XKR4: variants seen among roughly 807,000 people sequenced by gnomAD.
XKR4 encodes XK-related protein 4.
XKR4 carries 12 observed loss-of-function variants against 53.9 expected under a neutral mutation model. That is an observed-to-expected ratio of 0.22 (90% confidence interval 0.14 to 0.36). The LOEUF (loss-of-function observed/expected upper bound fraction) is 0.36. XKR4 is among the 10% of genes least tolerant of loss of function. The pLI is 1.00. For missense variants in XKR4, 799 were observed against 859.5 expected (o/e 0.93, Z 0.88); for synonymous variants, 354 against 362.4 (o/e 0.98, Z 0.26).
chr8:55,275,737 G>C lies in XKR4; in HGVS notation c.807-81941G>C, dbSNP rs914838631. 3.9e-5 allele frequency among the ~76,000 whole-genome samples: 6 copies of C among 152,068 alleles called. 1 individual carries two copies. The highest frequency in any genetic ancestry group is 3.9e-4 in the Admixed American group (6 of 15,266). On this transcript the variant is annotated intron_variant, in intron 1 of 2. Transcript: ENST00000327381. ...TCAGCCAAGAAAAAATTTCCAAAGG[G>C]TCCACTGGTTTATAAAGTTCTTACC...
At chr8:55,272,954 A>T (rs937814616) in intron 1 of XKR4, 48 of 446,154 alleles carry the variant, frequency 1.1e-4, no homozygotes, top group Non-Finnish European at 1.8e-4. Context: ...CACTGCCTAC[A>T]TTGGAACAAT....
rs113815877 is a variant in XKR4 at position 55,157,895 on chromosome 8, A to G, written c.806+54601A>G. On this transcript the variant is annotated intron_variant, in intron 1 of 2. Transcript: ENST00000327381. ...GGCTGTGTAGTATTCCATGGTGTCTATGTACATTTTCTTTATCCAATCCAC... is the reference window on the plus strand; with the variant it reads ...GGCTGTGTAGTATTCCATGGTGTCTGTGTACATTTTCTTTATCCAATCCAC... Among the ~76,000 whole-genome samples, 755 of 152,260 alleles carry G rather than the reference A, an allele frequency of 5.0e-3. 2 individuals are homozygous for G. Among genetic ancestry groups the G allele is most frequent in the African/African-American group, 0.017 (689 of 41,554 alleles).
At chr8:55,251,301 A>G (rs1585967526) in intron 1 of XKR4, among the ~76,000 whole-genome samples, 1 of 152,368 alleles carries the variant, frequency 6.6e-6, no homozygotes, top group East Asian at 1.9e-4. Context: ...GTCATCCAGA[A>G]CTATGAAAAT....
intron 2 of XKR4, among the ~76,000 whole-genome samples, chr8:55,516,080 A>G (rs1008951774): frequency 1.3e-5 from 2 of 152,164 alleles, no homozygotes; most frequent in African/African-American, 4.8e-5. Context: ...AAAAAACAAT[A>G]CTTGCCTCAA....
chr8:55,364,004 G>A (rs952554322), intron 2 of XKR4, among the ~76,000 whole-genome samples: 2 of 152,168 alleles, frequency 1.3e-5, no homozygotes, highest in Non-Finnish European at 2.9e-5. Flanking sequence ...ATTTATCTGG[G>A]TGCATTCCAG....
intron 1 of XKR4, among the ~76,000 whole-genome samples, chr8:55,257,811 C>T (rs992703724): frequency 2.0e-5 from 3 of 152,106 alleles, no homozygotes; most frequent in Non-Finnish European, 4.4e-5. Context: ...TTTTGCATTC[C>T]GGTGTTTTCT....
chr8:55,480,815 A>G (rs1217257052), intron 2 of XKR4, among the ~76,000 whole-genome samples: 3 of 149,004 alleles, frequency 2.0e-5, no homozygotes, highest in Admixed American at 1.3e-4. Context: ...CAAAGAGAAT[A>G]AAATACCTAG....
chr8:55,172,535 TCC>T (rs1203179670), intron 1 of XKR4, among the ~76,000 whole-genome samples: 2 of 152,008 alleles, frequency 1.3e-5, no homozygotes, highest in Non-Finnish European at 2.9e-5. Context: ...TTTCTAAAAT[TCC>T]CCCTTTCCTA....
chr8:55,160,901 A>G (rs1194830901), intron 1 of XKR4, among the ~76,000 whole-genome samples: 1 of 152,190 alleles, frequency 6.6e-6, no homozygotes, highest in Non-Finnish European at 1.5e-5. Context: ...AATAAAATTC[A>G]CACAAAAAAG....
chr8:55,461,706 CA>C (rs1805660856), intron 2 of XKR4, among the ~76,000 whole-genome samples: 1 of 152,060 alleles, frequency 6.6e-6, no homozygotes, highest in Non-Finnish European at 1.5e-5. Context: ...GAACAAATGG[CA>C]AATAAGTTAA....
chr8:55,145,427 T>C (rs1327816189), intron 1 of XKR4, among the ~76,000 whole-genome samples: 1 of 102,030 alleles, frequency 9.8e-6, no homozygotes, highest in Non-Finnish European at 2.2e-5. Context: ...TAAAATTTTT[T>C]CTCAAAAAAA....
rs115895511 is a variant in XKR4 at position 55,298,493 on chromosome 8, G to A, written c.807-59185G>A. Reference sequence around the variant, plus strand: ...TCATGGCAGAAGGCAAAAAGGAGGCGGCATATCACATGGAGAAAGAAGGAG... The same window carrying A: ...TCATGGCAGAAGGCAAAAAGGAGGCAGCATATCACATGGAGAAAGAAGGAG... On this transcript the variant is annotated intron_variant, in intron 1 of 2. Coordinates refer to ENST00000327381, the MANE Select transcript of XKR4 (RefSeq NM_052898.2). 1.6e-3 allele frequency among the ~76,000 whole-genome samples: 243 copies of A among 152,192 alleles called. 4 individuals carry two copies. The highest frequency in any genetic ancestry group is 0.01 in the Middle Eastern group (3 of 294).
chr8:55,360,697 C>T (rs1803890322), intron 2 of XKR4, among the ~76,000 whole-genome samples: 3 of 152,170 alleles, frequency 2.0e-5, no homozygotes, highest in African/African-American at 4.8e-5. Flanking sequence ...GAAAATTGAT[C>T]TTTAAACCCA....
rs1389503287 is a variant in XKR4 at position 55,450,475 on chromosome 8, C to T, written c.1007-72806C>T. 4.9e-6 allele frequency: 3 copies of T among 608,778 alleles called. No homozygotes were observed. The African/African-American group carries it at 5.6e-5, about 11-fold the overall frequency. 37.7% of individuals were successfully genotyped at this position (608,778 alleles called of 1,614,324 possible). ...AAGGCAGCTGGCTCCTGCGCTGCCC[C>T]TTCTCCTCGTACAGCAGCCCCAGCT... is the stretch of plus-strand genomic sequence containing the variant. On this transcript the variant is annotated intron_variant, in intron 2 of 2. Coordinates refer to ENST00000327381, the MANE Select transcript of XKR4 (RefSeq NM_052898.2).
chr8:55,365,904 G>A (rs924446135), intron 2 of XKR4, among the ~76,000 whole-genome samples: 1 of 152,166 alleles, frequency 6.6e-6, no homozygotes, highest in Non-Finnish European at 1.5e-5. Context: ...GGAGTGCTGG[G>A]TGACAGAAGG....
chr8:55,111,619 AAC>A (rs1816232590), intron 1 of XKR4, among the ~76,000 whole-genome samples: 1 of 152,204 alleles, frequency 6.6e-6, no homozygotes, highest in Non-Finnish European at 1.5e-5. Flanking sequence ...TTTCATTAAA[AAC>A]ACATATCTAC....
chr8:55,506,143 G>C (rs572453395), intron 2 of XKR4, among the ~76,000 whole-genome samples: 1 of 152,284 alleles, frequency 6.6e-6, no homozygotes, highest in African/African-American at 2.4e-5. Context: ...GAGGTTTTTT[G>C]TGTTTGTGTG....
At chr8:55,401,478 G>A (rs1804601178) in intron 2 of XKR4, among the ~76,000 whole-genome samples, 1 of 152,238 alleles carries the variant, frequency 6.6e-6, no homozygotes. Context: ...CCAGCCGGTG[G>A]CTAGTGGACC....
At chr8:55,515,680 T>C (rs1247638993) in intron 2 of XKR4, among the ~76,000 whole-genome samples, 1 of 152,182 alleles carries the variant, frequency 6.6e-6, no homozygotes, top group African/African-American at 2.4e-5. Context: ...AGCATGGCTT[T>C]CCTCCCAGGT....
Sources: gnomAD v4.1 joint callset for allele counts (sites outside exome capture counted in the v4.1 genomes callset) on GRCh38, gnomAD v4.1.1 for gene constraint, MANE v1.5 for transcripts, NCBI Gene and HGNC (gene_info 2026-07-23, HGNC 2026-07-21) for gene names.